Variants in ASTN1 observed in about 807,000 individuals in gnomAD.
ASTN1 encodes the protein astrotactin-1.
In ASTN1, 41 loss-of-function variants were observed where a neutral mutation model predicts 140.7. The ratio of observed to expected loss-of-function variants is 0.29; its 90% CI spans 0.23 to 0.38. The LOEUF (loss-of-function observed/expected upper bound fraction) is 0.38. Ranked by LOEUF, ASTN1 falls within the 10% of genes least tolerant of loss-of-function variation. ASTN1 has a pLI of 1.00. For missense variants in ASTN1, 1,479 were observed against 1,678.8 expected, an observed-to-expected ratio of 0.88 and a Z score of 2.08; for synonymous variants, 640 against 652.2, an observed-to-expected ratio of 0.98 and a Z score of 0.29.
chr1:177,105,339 T>G lies in ASTN1; in HGVS notation c.284-44074A>C, dbSNP rs570707145. ...GGCTTTAGTTTCTTTTCACTCCCCATGGAGAACTTTGCCCAAAAGTGAAAA... is the reference window on the plus strand; with the variant it reads ...GGCTTTAGTTTCTTTTCACTCCCCAGGGAGAACTTTGCCCAAAAGTGAAAA... On this transcript the variant is annotated intron_variant, in intron 1 of 22. Coordinates refer to ENST00000361833, the MANE Select transcript of ASTN1 (RefSeq NM_004319.3). Among the ~76,000 whole-genome samples, 4 of 152,288 alleles carry G rather than the reference T, an allele frequency of 2.6e-5. No individual in the cohort carries two copies. In the East Asian group the frequency reaches 5.8e-4, roughly 22 times the overall value.
chr1:176,894,123 A>G (rs1231466801), intron 17 of ASTN1, among the ~76,000 whole-genome samples: 1 of 152,152 alleles, frequency 6.6e-6, no homozygotes, highest in Non-Finnish European at 1.5e-5. Context: ...TGTGCCTGAT[A>G]TGCTCCTTCT....
intron 1 of ASTN1, among the ~76,000 whole-genome samples, chr1:177,154,828 T>C (rs1308550046): frequency 6.6e-6 from 1 of 152,050 alleles, no homozygotes; most frequent in Non-Finnish European, 1.5e-5. Context: ...TAATAAAATA[T>C]GCTGTGAATT....
At chr1:176,925,516 G>C (rs947780440) in intron 16 of ASTN1, among the ~76,000 whole-genome samples, 2 of 152,102 alleles carry the variant, frequency 1.3e-5, no homozygotes, top group African/African-American at 2.4e-5. Flanking sequence ...TGTTGGATAA[G>C]AGACAAAAAC....
At chr1:177,092,384 A>G (rs553852991) in intron 1 of ASTN1, among the ~76,000 whole-genome samples, 1 of 152,320 alleles carries the variant, frequency 6.6e-6, no homozygotes, top group East Asian at 1.9e-4. Context: ...GGAGTTCTTT[A>G]TACATACTGA....
At chr1:176,999,004 G>A (rs1329993568) in intron 8 of ASTN1, among the ~76,000 whole-genome samples, 1 of 152,212 alleles carries the variant, frequency 6.6e-6, no homozygotes, top group Non-Finnish European at 1.5e-5. Context: ...ACTCTTAGAA[G>A]TGTGCTAGGC....
At position 177,032,616 on chromosome 1, in the gene ASTN1, C is replaced by A. The variant is rs746430728; in HGVS notation, c.705G>T (p.Glu235Asp). The change falls in exon 3 of 23, where the codon GAG becomes GAT. Residue 235 changes from glutamate (E) to aspartate (D), a missense_variant. Glu to Asp is a conservative substitution (Grantham distance 45, BLOSUM62 2). This residue lies in a region of ASTN1 where 729 missense variants were observed against 860.4 expected (regional missense o/e 0.85). Transcript: ENST00000361833. ...ACTCATAGCCGTCCAGGATAGGTGT[C>A]TCCCGGATGCTCAGGGTGCCACTGG... ...HNSSGTLSIR[E>D]TPILDGYEYD... The A allele has an allele frequency of 6.2e-7, 1 of 1,614,222 alleles. No homozygotes were observed. Among genetic ancestry groups the A allele is most frequent in the Non-Finnish European group, 8.5e-7 (1 of 1,180,040 alleles).
intron 14 of ASTN1, among the ~76,000 whole-genome samples, chr1:176,937,249 C>G (rs1217323275): frequency 6.6e-6 from 1 of 151,970 alleles, no homozygotes. Flanking sequence ...GTTTCAATTT[C>G]TCTCAGGCAG....
intron 1 of ASTN1, among the ~76,000 whole-genome samples, chr1:177,131,616 A>G (rs963415039): frequency 6.6e-6 from 1 of 152,186 alleles, no homozygotes; most frequent in African/African-American, 2.4e-5. Context: ...TACACAGACA[A>G]TAGGTAAAAA....
At chr1:177,022,080 T>G (rs572010260) in intron 7 of ASTN1, among the ~76,000 whole-genome samples, 1 of 152,294 alleles carries the variant, frequency 6.6e-6, no homozygotes, top group South Asian at 2.1e-4. Flanking sequence ...TAAAACAACT[T>G]TAACACCTAA....
At chr1:176,994,018 C>CAT (rs1025248985) in intron 8 of ASTN1, among the ~76,000 whole-genome samples, 3 of 74,242 alleles carry the variant, frequency 4.0e-5, no homozygotes, top group African/African-American at 1.3e-4. Context: ...TGTGTGTGTA[C>CAT]GTGTGTGTGT....
chr1:177,146,932 C>T (rs1682745096), intron 1 of ASTN1, among the ~76,000 whole-genome samples: 1 of 152,092 alleles, frequency 6.6e-6, no homozygotes, highest in South Asian at 2.1e-4. Flanking sequence ...GTGTACCCCC[C>T]ATTTTTTCAC....
chr1:177,157,970 T>C (rs935665789), intron 1 of ASTN1, among the ~76,000 whole-genome samples: 13 of 152,226 alleles, frequency 8.5e-5, no homozygotes, highest in Non-Finnish European at 1.5e-5. Context: ...AATATGTCAT[T>C]GATGAAGGTG....
intron 11 of ASTN1, among the ~76,000 whole-genome samples, chr1:176,954,444 C>G (rs1672317638): frequency 1.3e-5 from 2 of 152,204 alleles, no homozygotes; most frequent in Admixed American, 1.3e-4. Context: ...CCCCTAGAGC[C>G]TCCAGAAAGA....
At chr1:177,031,077 G>T in intron 3 of ASTN1, 125 bp from the exon 4 acceptor site, 1 of 1,041,316 alleles carries the variant, frequency 9.6e-7, no homozygotes, top group Non-Finnish European at 1.3e-6. Flanking sequence ...CCAGCAAACT[G>T]AGAGACTGGC....
At chr1:177,078,749 C>G (rs1378135887) in intron 1 of ASTN1, among the ~76,000 whole-genome samples, 1 of 152,072 alleles carries the variant, frequency 6.6e-6, no homozygotes, top group South Asian at 2.1e-4. Flanking sequence ...AAAAACACAC[C>G]AGCAGATAAT....
chr1:176,869,797 C>G (rs957352413), intron 21 of ASTN1, among the ~76,000 whole-genome samples: 1 of 152,108 alleles, frequency 6.6e-6, no homozygotes, highest in Admixed American at 6.5e-5. Flanking sequence ...GCAGGGCAGC[C>G]CTGGCAGTGG....
chr1:177,068,971 T>A (rs1235076921), intron 1 of ASTN1, among the ~76,000 whole-genome samples: 1 of 151,862 alleles, frequency 6.6e-6, no homozygotes, highest in East Asian at 1.9e-4. Flanking sequence ...GGTAGGTACA[T>A]GCCACCATGC....
rs114547792 is a variant in ASTN1, at chr1:177,069,176, A to G, written c.284-7911T>C. 6.3e-4 allele frequency among the ~76,000 whole-genome samples: 96 copies of G among 152,216 alleles called. 2 individuals carry two copies. Among genetic ancestry groups the G allele is most frequent in the African/African-American group, 2.2e-3 (93 of 41,544 alleles). On this transcript the variant is annotated intron_variant, in intron 1 of 22. Coordinates refer to ENST00000361833, the MANE Select transcript of ASTN1 (RefSeq NM_004319.3). ...ATGAGAGTGACCTATTGAAACTCCA[A>G]TCAACAGTCCCCAGTAAGAAAAAGA...
chr1:177,106,065 G>A (rs942110006), intron 1 of ASTN1, among the ~76,000 whole-genome samples: 5 of 152,110 alleles, frequency 3.3e-5, no homozygotes, highest in Non-Finnish European at 5.9e-5. Flanking sequence ...TTAAGGCCAC[G>A]TTTCCAGGAA....
Sources: allele counts gnomAD v4.1 joint callset (sites outside exome capture counted in the v4.1 genomes callset), GRCh38; gene constraint gnomAD v4.1.1; regional missense constraint gnomAD v4.1.1; transcripts MANE v1.5; gene names NCBI Gene and HGNC (gene_info 2026-07-23, HGNC 2026-07-21).